Variants in ANKRD36C observed in about 807,000 individuals in gnomAD.
The protein encoded by ANKRD36C is ankyrin repeat domain 36C, also known as ankyrin repeat domain-containing protein 36C.
A neutral mutation model predicts 276.4 loss-of-function variants in ANKRD36C; 61 were observed. The observed-to-expected ratio is 0.22, with a 90% confidence interval of 0.18 to 0.27. ANKRD36C has a LOEUF of 0.27. Ranked by LOEUF, ANKRD36C falls within the 10% of genes least tolerant of loss-of-function variation. The pLI is 1.00. For synonymous variants in ANKRD36C, 483 were observed against 680.1 expected (o/e 0.71, Z 4.51); for missense variants, 1,447 against 2,032.3 (o/e 0.71, Z 5.54).
intron 38 of ANKRD36C, 88 bp downstream of exon 40, chr2:95,915,892 G>A (rs113861508): frequency 1.4e-6 from 2 of 1,439,350 alleles, no homozygotes; most frequent in East Asian, 2.5e-5. Context: ...AGAATGTGCA[G>A]CTTCGACCAG....
In ANKRD36C at chr2:95,929,631, T is replaced by C. The variant is rs76306368; in HGVS notation, c.1736-364A>G. On this transcript the variant is annotated intron_variant, in intron 24 of 66. Coordinates refer to ENST00000456556, the Ensembl canonical transcript of ANKRD36C. Reference sequence around the variant, plus strand: ...TGGGAATCAACGTCAAAGCAGGTGATACATGCACCCGCATGTCTTTCATGC... The same window carrying C: ...TGGGAATCAACGTCAAAGCAGGTGACACATGCACCCGCATGTCTTTCATGC... Among the ~76,000 whole-genome samples, 26 of 151,794 alleles carry C rather than the reference T, an allele frequency of 1.7e-4. No individual in the cohort carries two copies. In the South Asian group the frequency reaches 5.4e-3, roughly 31 times the overall value.
At chr2:95,961,256 G>C (rs1459127935) in intron 8 of ANKRD36C, among the ~76,000 whole-genome samples, 3 of 152,034 alleles carry the variant, frequency 2.0e-5, no homozygotes, top group African/African-American at 4.8e-5. Flanking sequence ...TCACACCGCT[G>C]TGGAGTCATA....
chr2:95,986,823 A>G, exon 3 of ANKRD36C: 1 of 1,611,942 alleles, frequency 6.2e-7, no homozygotes, highest in South Asian at 1.1e-5. Context: ...CATTATACAC[A>G]GCGTAGTGCA....
intron 46 of ANKRD36C, 141 bp downstream of exon 66, chr2:95,891,524 A>C (rs1402879908): frequency 9.1e-6 from 11 of 1,202,482 alleles, no homozygotes; most frequent in East Asian, 2.6e-5. Context: ...TCATCACCCA[A>C]GAACTTATTT....
At chr2:95,885,899 G>T in intron 52 of ANKRD36C, 149 bp downstream of exon 72, 1 of 1,396,784 alleles carries the variant, frequency 7.2e-7, no homozygotes, top group Non-Finnish European at 9.9e-7. Context: ...GCACCATCAG[G>T]GTCACCCGAG....
intron 20 of ANKRD36C, among the ~76,000 whole-genome samples, chr2:95,940,083 A>G (rs1304863837): frequency 1.3e-5 from 2 of 152,282 alleles, no homozygotes; most frequent in Non-Finnish European, 2.9e-5. Flanking sequence ...CATTGGCACA[A>G]TCTCGGCTCA....
chr2:95,917,814 T>C (rs775451326), intron 36 of ANKRD36C, 41 bp downstream of exon 38: 62 of 1,563,098 alleles, frequency 4.0e-5, no homozygotes, highest in Non-Finnish European at 5.0e-5. Context: ...TTCTTTTCTA[T>C]CTGGATTGAA....
chr2:95,954,980 C>T (rs550769718), intron 13 of ANKRD36C, among the ~76,000 whole-genome samples: 1 of 152,378 alleles, frequency 6.6e-6, no homozygotes, highest in African/African-American at 2.4e-5. Context: ...AGAGTAGGAG[C>T]TCTCTATTCC....
Position 95,889,200 on chromosome 2 carries a change from T to C in ANKRD36C, c.2959+599A>G, listed in dbSNP as rs553645877. ...TAGCATAGTTTCCTGCTTCCAGTAG[T>C]TCCTGAAGCACCCAAAATCAAATCT... is the stretch of plus-strand genomic sequence containing the variant. On this transcript the variant is annotated intron_variant, in intron 48 of 66. Transcript: ENST00000456556. 4.0e-5 allele frequency among the ~76,000 whole-genome samples: 6 copies of C among 151,664 alleles called. No homozygotes were observed. In the South Asian group the frequency reaches 1.2e-3, roughly 31 times the overall value.
At chr2:95,966,509 T>C (rs1428989765) in intron 6 of ANKRD36C, among the ~76,000 whole-genome samples, 1 of 152,140 alleles carries the variant, frequency 6.6e-6, no homozygotes, top group Non-Finnish European at 1.5e-5. Context: ...TCTGTTCTGT[T>C]CCATTGGTCT....
intron 16 of ANKRD36C, among the ~76,000 whole-genome samples, chr2:95,950,086 T>C (rs76816228): frequency 5.4e-4 from 78 of 144,424 alleles, no homozygotes; most frequent in South Asian, 1.1e-3. Flanking sequence ...GAGAAATGAA[T>C]TAGAAATATC....
At chr2:95,949,502 T>C (rs1459396817) in intron 16 of ANKRD36C, among the ~76,000 whole-genome samples, 2 of 152,200 alleles carry the variant, frequency 1.3e-5, no homozygotes, top group Non-Finnish European at 2.9e-5. Flanking sequence ...CATCTTCAAA[T>C]TTGGCTGTCC....
chr2:95,962,560 A>G lies in ANKRD36C; in HGVS notation c.800-13T>C. The stretch of plus-strand genomic sequence containing the variant: ...TTCTGAGAAGACACTGAAAAGCAAA[A>G]GGGATACATCATCAATCATAGGTAA... On this transcript the variant is annotated splice_polypyrimidine_tract_variant and intron_variant, in intron 6 of 66. Transcript: ENST00000456556. 6.3e-7 allele frequency: 1 copy of G among 1,599,642 alleles called. No individual in the cohort carries two copies.
intron 53 of ANKRD36C, 41 bp downstream of exon 73, chr2:95,884,299 A>G: frequency 6.2e-7 from 1 of 1,610,452 alleles, no homozygotes; most frequent in South Asian, 1.1e-5. Context: ...TTCATAGACT[A>G]TACAATTACT....
intron 28 of ANKRD36C, among the ~76,000 whole-genome samples, chr2:95,926,150 C>G (rs969902677): frequency 6.6e-6 from 1 of 151,508 alleles, no homozygotes; most frequent in African/African-American, 2.4e-5. Context: ...TAATAATGTG[C>G]CTACATTTGT....
Position 95,916,192 on chromosome 2 carries a change from G to A in ANKRD36C, c.2348-21C>T, listed in dbSNP as rs368952866. On this transcript the variant is annotated intron_variant, in intron 36 of 66. Coordinates refer to ENST00000456556, the Ensembl canonical transcript of ANKRD36C. Reference sequence around the variant, plus strand: ...AGACACTGAAAAGCAAAAGGGACACGTAATCACTCACTCGTAAATATGATA... The same window carrying A: ...AGACACTGAAAAGCAAAAGGGACACATAATCACTCACTCGTAAATATGATA... The A allele has an allele frequency of 1.1e-4, 171 of 1,603,268 alleles. 2 individuals are homozygous for A. In the East Asian group the frequency reaches 2.3e-3, roughly 21 times the overall value.
At position 95,855,771 on chromosome 2, in the gene ANKRD36C, T is replaced by G. The variant is rs559864701; in HGVS notation, c.4490A>C (p.Asp1497Ala). Residue 1497 changes from aspartate to alanine, a missense_variant, in exon 63 of 67, where the codon GAT (aspartate) becomes GCT (alanine). By Grantham distance (126) the Asp-to-Ala change is moderately radical. This residue lies in a region of ANKRD36C where 437 missense variants were observed against 641.0 expected (regional missense o/e 0.68). Coordinates refer to ENST00000456556, the Ensembl canonical transcript of ANKRD36C. ...ATTTTCCTGTAAATGACAACATTTATCTACTGTGCCCTGGAAAGCAAGCTC... is the reference window on the plus strand; with the variant it reads ...ATTTTCCTGTAAATGACAACATTTAGCTACTGTGCCCTGGAAAGCAAGCTC... 43 of 1,613,892 alleles carry G rather than the reference T, an allele frequency of 2.7e-5. No homozygotes were observed. In the Admixed American group the frequency reaches 5.8e-4, roughly 22 times the overall value.
chr2:95,873,296 G>A (rs1415356424), intron 59 of ANKRD36C, among the ~76,000 whole-genome samples: 1 of 152,132 alleles, frequency 6.6e-6, no homozygotes, highest in African/African-American at 2.4e-5. Context: ...AAATCCAGCA[G>A]CACATCAAAA....
intron 65 of ANKRD36C, 146 bp downstream of exon 85, chr2:95,851,980 T>C: frequency 9.1e-7 from 1 of 1,099,622 alleles, no homozygotes; most frequent in East Asian, 2.6e-5. Context: ...TGTAGAAAAA[T>C]GATGTATGTC....
Sources: allele counts gnomAD v4.1 joint callset (sites outside exome capture counted in the v4.1 genomes callset), GRCh38; gene constraint gnomAD v4.1.1; regional missense constraint gnomAD v4.1.1; transcripts MANE v1.5; gene names NCBI Gene and HGNC (gene_info 2026-07-23, HGNC 2026-07-21).